Variants in NCKAP5 observed in about 807,000 individuals in gnomAD.
NCKAP5 encodes the protein nck-associated protein 5.
A neutral mutation model predicts 167.0 loss-of-function variants in NCKAP5; 92 were observed. That is an observed-to-expected ratio of 0.55 (90% CI 0.47 to 0.66). The LOEUF (loss-of-function observed/expected upper bound fraction) is 0.66. Ranked by LOEUF, NCKAP5 falls within the 30% of genes least tolerant of loss-of-function variation. NCKAP5 has a pLI of 0.00. For synonymous variants in NCKAP5, 891 were observed against 877.4 expected (o/e 1.02, Z -0.27); for missense variants, 2,378 against 2,315.0 (o/e 1.03, Z -0.56).
chr2:133,367,840 T>G (rs1685550232), intron 3 of NCKAP5, among the ~76,000 whole-genome samples: 1 of 152,102 alleles, frequency 6.6e-6, no homozygotes, highest in Non-Finnish European at 1.5e-5. Context: ...GCCAAATCCT[T>G]AAGAAAATTA....
At chr2:132,985,046 C>G (rs1181294663) in intron 7 of NCKAP5, among the ~76,000 whole-genome samples, 1 of 151,644 alleles carries the variant, frequency 6.6e-6, no homozygotes. Context: ...CTGAGATGAG[C>G]TGGGGAAACA....
intron 11 of NCKAP5, among the ~76,000 whole-genome samples, chr2:132,798,314 G>C (rs569165927): frequency 1.2e-4 from 18 of 152,286 alleles, no homozygotes; most frequent in South Asian, 2.1e-4. Flanking sequence ...CAGCCCATTA[G>C]TGCTTGTTGT....
At chr2:132,888,082 AG>A (rs1297037663) in intron 8 of NCKAP5, among the ~76,000 whole-genome samples, 1 of 152,226 alleles carries the variant, frequency 6.6e-6, no homozygotes, top group Non-Finnish European at 1.5e-5. Context: ...CCTTTGAGAC[AG>A]GGATCATGCT....
chr2:133,621,555 C>A, the NCKAP5 span, among the ~76,000 whole-genome samples: 11 of 151,846 alleles, frequency 7.2e-5, 1 homozygote, highest in South Asian at 2.1e-3. Context: ...AATATACAAC[C>A]CTCTTAGATT....
At chr2:133,312,810 T>C (rs796407513) in intron 3 of NCKAP5, among the ~76,000 whole-genome samples, 2 of 152,382 alleles carry the variant, frequency 1.3e-5, no homozygotes, top group African/African-American at 4.8e-5. Context: ...TATTGGTCAA[T>C]TCTTTTCAAA....
At chr2:133,111,386 GC>G (rs2081905623) in intron 6 of NCKAP5, among the ~76,000 whole-genome samples, 1 of 152,174 alleles carries the variant, frequency 6.6e-6, no homozygotes, top group Non-Finnish European at 1.5e-5. Context: ...TCAATGATCA[GC>G]CAACAAGCAC....
chr2:132,794,042 T>G (rs1443121361), intron 12 of NCKAP5, among the ~76,000 whole-genome samples: 4 of 151,530 alleles, frequency 2.6e-5, no homozygotes, highest in Non-Finnish European at 5.9e-5. Context: ...TTTCACTTGC[T>G]AGCTCTGTGA....
At chr2:132,992,570 C>T (rs939587832) in intron 7 of NCKAP5, among the ~76,000 whole-genome samples, 1 of 152,214 alleles carries the variant, frequency 6.6e-6, no homozygotes, top group African/African-American at 2.4e-5. Context: ...CCCTTTCAGG[C>T]TGCATCGAAC....
chr2:132,798,271 C>T (rs1013095412), intron 11 of NCKAP5, among the ~76,000 whole-genome samples: 8 of 152,104 alleles, frequency 5.3e-5, no homozygotes, highest in African/African-American at 1.2e-4. Context: ...TTGCAATCTC[C>T]GGAACCCGAC....
At chr2:133,547,375 C>A (rs1229046502) in intron 2 of NCKAP5, among the ~76,000 whole-genome samples, 1 of 151,994 alleles carries the variant, frequency 6.6e-6, no homozygotes, top group East Asian at 1.9e-4. Context: ...TGGAGCCCAC[C>A]ACAGCTCAAG....
At chr2:133,563,995 G>A (rs1416732415) in intron 1 of NCKAP5, among the ~76,000 whole-genome samples, 1 of 152,130 alleles carries the variant, frequency 6.6e-6, no homozygotes, top group African/African-American at 2.4e-5. Context: ...TTATCTGGGT[G>A]TGGTGGCAGG....
chr2:132,952,277 T>C (rs2076211537), intron 8 of NCKAP5, among the ~76,000 whole-genome samples: 2 of 152,224 alleles, frequency 1.3e-5, no homozygotes, highest in Admixed American at 1.3e-4. Flanking sequence ...CCTTGATGCA[T>C]TGGCCTTCTC....
At chr2:133,281,604 C>T (rs180703666) in intron 4 of NCKAP5, among the ~76,000 whole-genome samples, 41 of 152,272 alleles carry the variant, frequency 2.7e-4, no homozygotes, top group Admixed American at 2.4e-3. Flanking sequence ...AAAATGTTAG[C>T]ACCATCACAA....
intron 19 of NCKAP5, among the ~76,000 whole-genome samples, chr2:132,682,372 A>G (rs1157913652): frequency 3.3e-5 from 5 of 152,184 alleles, no homozygotes; most frequent in African/African-American, 7.2e-5. Flanking sequence ...ATTGTAATGA[A>G]TACTTAAATG....
rs1034064293 is a variant in NCKAP5, at chr2:132,826,424, A to G, written c.808-29695T>C. Among the ~76,000 whole-genome samples, 4 of 152,328 alleles carry G rather than the reference A, an allele frequency of 2.6e-5. No individual in the cohort carries two copies. The South Asian group carries it at 8.3e-4, about 32-fold the overall frequency. Reference sequence around the variant, plus strand: ...CACACCTGTTGTTTATGCATATTGTACTCAGGAAGGGCCTTCTGGAACCAT... The same window carrying G: ...CACACCTGTTGTTTATGCATATTGTGCTCAGGAAGGGCCTTCTGGAACCAT... On this transcript the variant is annotated intron_variant, in intron 11 of 19. Coordinates refer to ENST00000409261, the MANE Select transcript of NCKAP5 (RefSeq NM_207363.3).
In NCKAP5 at chr2:133,121,497, G is replaced by C. The variant is rs923852470; in HGVS notation, c.341+8481C>G. Among the ~76,000 whole-genome samples the C allele has an allele frequency of 2.0e-5, 3 of 152,116 alleles. No individual in the cohort carries two copies. The South Asian group carries it at 6.2e-4, about 32-fold the overall frequency. The stretch of plus-strand genomic sequence containing the variant: ...AGTCTCCTTTCTTGACCTAGCGTTG[G>C]TTACAAAGCCATTCACCTTAGAATT... On this transcript the variant is annotated intron_variant, in intron 6 of 19. Coordinates refer to ENST00000409261, the MANE Select transcript of NCKAP5 (RefSeq NM_207363.3).
At chr2:133,660,681 C>T in the NCKAP5 span, among the ~76,000 whole-genome samples, 2 of 151,352 alleles carry the variant, frequency 1.3e-5, no homozygotes, top group Non-Finnish European at 3.0e-5. Flanking sequence ...TTAGAACATT[C>T]GCTGGACGAA....
intron 8 of NCKAP5, among the ~76,000 whole-genome samples, chr2:132,886,921 T>C (rs1423981905): frequency 2.0e-5 from 3 of 152,192 alleles, no homozygotes; most frequent in Admixed American, 2.0e-4. Flanking sequence ...AATGCTGAAC[T>C]GGGTAAATAC....
At chr2:133,473,877 A>G (rs1484055263) in intron 3 of NCKAP5, among the ~76,000 whole-genome samples, 1 of 152,216 alleles carries the variant, frequency 6.6e-6, no homozygotes, top group East Asian at 1.9e-4. Flanking sequence ...GAGCAGTTCA[A>G]GAGCAAAAAT....
Sources: gnomAD v4.1 joint callset for allele counts (sites outside exome capture counted in the v4.1 genomes callset) on GRCh38, gnomAD v4.1.1 for gene constraint, MANE v1.5 for transcripts, NCBI Gene and HGNC (gene_info 2026-07-23, HGNC 2026-07-21) for gene names.